The following EPHB1 variants were observed in gnomAD, a reference collection of about 807,000 sequenced individuals.
EPHB1 encodes the protein EPH receptor B1.
Under a neutral mutation model 94.4 loss-of-function variants are expected in EPHB1, and 30 were observed. The observed-to-expected ratio is 0.32, with a 90% CI of 0.24 to 0.43. The LOEUF is 0.43. EPHB1 is among the 20% of genes least tolerant of loss of function. The probability of loss-of-function intolerance (pLI) is 1.00; values close to 1 mark genes in which losing one functional copy is unlikely to be tolerated. For synonymous variants in EPHB1, 522 were observed against 489.1 expected (o/e 1.07, Z -0.89); for missense variants, 1,055 against 1,308.3 (o/e 0.81, Z 2.99).
At chr3:134,930,467 C>T (rs1397484465) in intron 2 of EPHB1, among the ~76,000 whole-genome samples, 2 of 152,198 alleles carry the variant, frequency 1.3e-5, no homozygotes, top group African/African-American at 4.8e-5. Context: ...GGCTGAGCTC[C>T]CACTAACGGG....
chr3:134,886,407 A>G (rs925750236), intron 1 of EPHB1, among the ~76,000 whole-genome samples: 1 of 152,230 alleles, frequency 6.6e-6, no homozygotes, highest in East Asian at 1.9e-4. Context: ...TGAGAGACAC[A>G]GAGAGGTTAA....
At chr3:135,129,529 C>A (rs1266361547) in intron 4 of EPHB1, among the ~76,000 whole-genome samples, 1 of 152,180 alleles carries the variant, frequency 6.6e-6, no homozygotes, top group Non-Finnish European at 1.5e-5. Flanking sequence ...TTTCCATGCA[C>A]ACTGAGCAAA....
chr3:134,978,002 A>G lies in EPHB1; in HGVS notation c.805+25950A>G, dbSNP rs1224119181. ...TTTTGGAGGATCCTTAGACAGCAGG[A>G]TTGACATTGGAGGAGCCTGGTATTT... On this transcript the variant is annotated intron_variant, in intron 3 of 15. Transcript: ENST00000398015. 8 of 455,606 alleles carry G rather than the reference A, an allele frequency of 1.8e-5. No individual in the cohort carries two copies. The Admixed American group carries it at 1.9e-4, about 11-fold the overall frequency. 28.2% of individuals were successfully genotyped at this position (455,606 alleles called of 1,614,324 possible).
chr3:135,204,833 T>C (rs1942854177), intron 12 of EPHB1, among the ~76,000 whole-genome samples: 1 of 151,508 alleles, frequency 6.6e-6, no homozygotes, highest in South Asian at 2.1e-4. Flanking sequence ...AATTGAATTA[T>C]TGTTGACTAT....
chr3:134,805,096 GC>G (rs1310941079), intron 1 of EPHB1, among the ~76,000 whole-genome samples: 1 of 152,220 alleles, frequency 6.6e-6, no homozygotes, highest in East Asian at 1.9e-4. Context: ...TGAGGCTGAA[GC>G]CGGGAGGTGA....
Position 134,795,547 on chromosome 3 carries a change from G to T in EPHB1, c.-85G>T. The T allele has an allele frequency of 1.5e-6, 2 of 1,338,044 alleles. No homozygotes were observed. The highest frequency in any genetic ancestry group is 2.2e-5 in the Admixed American group (1 of 45,332). The allele number at this position is 1,338,044 out of a possible 1,614,324, so 82.9% of individuals were successfully genotyped here. A position where few individuals can be genotyped will look rare whatever the true frequency, so the allele number is the denominator to read the frequency against. Reference sequence around the variant, plus strand: ...AAAGGATACCGAGAAGCCACCCGCGGAGAGCGCAGCGGCGCCCTGGGACGC... The same window carrying T: ...AAAGGATACCGAGAAGCCACCCGCGTAGAGCGCAGCGGCGCCCTGGGACGC... On this transcript the variant is annotated 5_prime_UTR_variant, in exon 1 of 16. It introduces an in-frame stop codon into an upstream open reading frame of the 5' UTR. Coordinates refer to ENST00000398015, the MANE Select transcript of EPHB1 (RefSeq NM_004441.5).
chr3:135,081,987 G>T (rs1938181339), intron 3 of EPHB1, among the ~76,000 whole-genome samples: 1 of 151,832 alleles, frequency 6.6e-6, no homozygotes, highest in Admixed American at 6.6e-5. Context: ...CAGCAGGAGT[G>T]GGGAGATCCA....
chr3:135,084,016 T>C (rs997554964), intron 3 of EPHB1, among the ~76,000 whole-genome samples: 3 of 152,162 alleles, frequency 2.0e-5, no homozygotes, highest in Admixed American at 2.0e-4. Flanking sequence ...AGAATCTTTG[T>C]TGGAGTTGGC....
chr3:135,173,269 C>T (rs1941866294), intron 9 of EPHB1, among the ~76,000 whole-genome samples: 3 of 151,926 alleles, frequency 2.0e-5, no homozygotes, highest in East Asian at 1.9e-4. Context: ...CTCCTGACCT[C>T]GTGATCCGCC....
At chr3:135,009,851 T>C (rs1454910310) in intron 3 of EPHB1, among the ~76,000 whole-genome samples, 1 of 152,266 alleles carries the variant, frequency 6.6e-6, no homozygotes, top group Non-Finnish European at 1.5e-5. Context: ...CTGATTATGC[T>C]TTTAAAGAAC....
At chr3:135,121,679 C>G (rs1430717861) in intron 4 of EPHB1, among the ~76,000 whole-genome samples, 2 of 152,054 alleles carry the variant, frequency 1.3e-5, no homozygotes, top group Non-Finnish European at 2.9e-5. Context: ...GGGCTTGGCA[C>G]AAGGACCCTA....
At chr3:135,077,881 C>T (rs1938001731) in intron 3 of EPHB1, among the ~76,000 whole-genome samples, 1 of 152,146 alleles carries the variant, frequency 6.6e-6, no homozygotes. Flanking sequence ...TTGATCTTTG[C>T]CATTGGTTTA....
At chr3:134,877,109 G>A (rs922045508) in intron 1 of EPHB1, among the ~76,000 whole-genome samples, 13 of 152,284 alleles carry the variant, frequency 8.5e-5, no homozygotes, top group Non-Finnish European at 1.6e-4. Context: ...TCTGGAGTTA[G>A]ATGGCAGACC....
At chr3:135,208,941 C>T (rs1020746066) in intron 12 of EPHB1, among the ~76,000 whole-genome samples, 5 of 152,102 alleles carry the variant, frequency 3.3e-5, no homozygotes, top group African/African-American at 1.2e-4. Context: ...ATGAGACCAA[C>T]ACATCTTTTT....
intron 15 of EPHB1, among the ~76,000 whole-genome samples, chr3:135,251,527 G>A (rs1933097842): frequency 6.6e-6 from 1 of 152,216 alleles, no homozygotes; most frequent in African/African-American, 2.4e-5. Context: ...TTCATTCAAA[G>A]TAAAACATGT....
intron 13 of EPHB1, 45 bp downstream of exon 13, chr3:135,241,342 G>A (rs2107728171): frequency 6.2e-7 from 1 of 1,610,164 alleles, no homozygotes; most frequent in Middle Eastern, 1.7e-4. Context: ...CCATTGAAGG[G>A]ATCCCAAAGG....
At chr3:134,930,145 G>A (rs2038876819) in intron 2 of EPHB1, among the ~76,000 whole-genome samples, 1 of 152,206 alleles carries the variant, frequency 6.6e-6, no homozygotes, top group Admixed American at 6.5e-5. Flanking sequence ...CCAGAGAGAG[G>A]CCAAGGGACT....
chr3:134,939,193 C>T (rs374863299), intron 2 of EPHB1, among the ~76,000 whole-genome samples: 1 of 152,214 alleles, frequency 6.6e-6, no homozygotes, highest in African/African-American at 2.4e-5. Flanking sequence ...CCCCCATCCC[C>T]TTGCTGTGAT....
intron 3 of EPHB1, among the ~76,000 whole-genome samples, chr3:135,074,311 A>G (rs1257359901): frequency 1.3e-5 from 2 of 152,238 alleles, no homozygotes; most frequent in Non-Finnish European, 2.9e-5. Flanking sequence ...ATGCATTTCA[A>G]TCAATGGATA....
Sources: allele counts gnomAD v4.1 joint callset (sites outside exome capture counted in the v4.1 genomes callset), GRCh38; gene constraint gnomAD v4.1.1; transcripts MANE v1.5; gene names NCBI Gene and HGNC (gene_info 2026-07-23, HGNC 2026-07-21).